The following DNAH8 variants were observed in gnomAD, a reference collection of about 807,000 sequenced individuals.
DNAH8 encodes the protein dynein axonemal heavy chain 8.
Under a neutral mutation model 562.1 loss-of-function variants are expected in DNAH8, and 382 were observed. That is an observed-to-expected ratio of 0.68 (90% confidence interval 0.63 to 0.74). The LOEUF (loss-of-function observed/expected upper bound fraction) is 0.74. DNAH8 is among the 30% of genes least tolerant of loss of function. The pLI is 0.00. For synonymous variants in DNAH8, 1,881 were observed against 1,919.4 expected, an observed-to-expected ratio of 0.98 and a Z score of 0.52; for missense variants, 5,203 against 5,620.4, an observed-to-expected ratio of 0.93 and a Z score of 2.37.
At chr6:38,717,005 T>C (rs1762390743) in intron 1 of DNAH8, among the ~76,000 whole-genome samples, 1 of 152,318 alleles carries the variant, frequency 6.6e-6, no homozygotes, top group East Asian at 1.9e-4. Context: ...GCATCCAGCC[T>C]GGGCAGCATA....
chr6:38,828,775 C>T (rs1377417103), intron 30 of DNAH8, among the ~76,000 whole-genome samples: 7 of 152,156 alleles, frequency 4.6e-5, no homozygotes, highest in Admixed American at 4.6e-4. Flanking sequence ...TTAAAGCATA[C>T]AATTCAGTGT....
chr6:38,938,773 C>A (rs1386404585), intron 78 of DNAH8, 25 bp from the exon 79 acceptor site: 3 of 1,549,300 alleles, frequency 1.9e-6, no homozygotes, highest in Non-Finnish European at 2.6e-6. Flanking sequence ...CCCTTTGCTT[C>A]TTTGATTCTT....
intron 57 of DNAH8, among the ~76,000 whole-genome samples, chr6:38,890,286 G>A (rs978485089): frequency 2.6e-5 from 4 of 152,270 alleles, no homozygotes; most frequent in Middle Eastern, 6.8e-3. Context: ...GAATGCTGAT[G>A]TACAGACTCT....
Position 38,826,140 on chromosome 6 carries a change from T to C in DNAH8, c.3848-16T>C. The C allele has an allele frequency of 2.6e-6, 4 of 1,541,374 alleles. No individual in the cohort carries two copies. The highest frequency in any genetic ancestry group is 3.5e-6 in the Non-Finnish European group (4 of 1,132,816). ...GCCAGTTATATTCTAATTTAATTTC[T>C]TCTTGTCTTCATCAGAGCCGATGAA... On this transcript the variant is annotated splice_polypyrimidine_tract_variant and intron_variant, in intron 28 of 92. Coordinates refer to ENST00000327475, the MANE Select transcript of DNAH8 (RefSeq NM_001206927.2).
rs369724754 is a variant in DNAH8, at chr6:38,812,579, TGCTGCGAATCC to T, written c.3258-1473_3258-1463del. On this transcript the variant is annotated intron_variant, in intron 24 of 92. Coordinates refer to ENST00000327475, the MANE Select transcript of DNAH8 (RefSeq NM_001206927.2). ...GGTTTCAGTTTTTAGAGGAGAGTTC[TGCTGCGAATCC>T]GATTTTCCTTTCCAACTAACAACTT... is the stretch of plus-strand genomic sequence containing the variant. Among the ~76,000 whole-genome samples the T allele has an allele frequency of 2.8e-3, 424 of 152,336 alleles. 2 individuals are homozygous for T. The highest frequency in any genetic ancestry group is 9.6e-3 in the African/African-American group (401 of 41,576).
At chr6:38,832,006 T>TTGGCCTAGCCCCACAGACAACATG (rs1485325627) in intron 30 of DNAH8, among the ~76,000 whole-genome samples, 1 of 152,310 alleles carries the variant, frequency 6.6e-6, no homozygotes, top group Admixed American at 6.5e-5. Flanking sequence ...ATCCCAAGTC[T>TTGGCCTAGCCCCACAGACAACATG]TGGCCTAGCC....
At chr6:38,756,112 C>A (rs1042590908) in intron 10 of DNAH8, 33 bp downstream of exon 10, 1 of 1,334,556 alleles carries the variant, frequency 7.5e-7, no homozygotes, top group African/African-American at 1.4e-5. Context: ...TACATGTCAT[C>A]CTGTGAAAAA....
chr6:38,995,408 G>A (rs1765071511), intron 88 of DNAH8, among the ~76,000 whole-genome samples: 1 of 152,116 alleles, frequency 6.6e-6, no homozygotes, highest in Non-Finnish European at 1.5e-5. Flanking sequence ...ACTAATCAAT[G>A]TTATATTTGC....
chr6:38,868,274 T>C, intron 48 of DNAH8, 78 bp downstream of exon 48: 1 of 1,402,306 alleles, frequency 7.1e-7, no homozygotes, highest in Non-Finnish European at 9.8e-7. Flanking sequence ...AGAGGTAGGC[T>C]GATGTTGAGC....
intron 73 of DNAH8, among the ~76,000 whole-genome samples, chr6:38,925,532 A>G (rs1173220173): frequency 6.6e-6 from 1 of 151,848 alleles, no homozygotes; most frequent in African/African-American, 2.4e-5. Context: ...GAGGCTGGCA[A>G]TCCCCTCTAA....
intron 68 of DNAH8, among the ~76,000 whole-genome samples, chr6:38,916,964 A>AT (rs1781354235): frequency 6.6e-6 from 1 of 152,170 alleles, no homozygotes. Context: ...TAAATGTTAC[A>AT]TATCAGTGGG....
chr6:39,010,682 T>C (rs1020394923), intron 89 of DNAH8, among the ~76,000 whole-genome samples: 2 of 151,984 alleles, frequency 1.3e-5, no homozygotes, highest in Non-Finnish European at 2.9e-5. Flanking sequence ...TGCAAAAGTA[T>C]TTCTATAATT....
intron 14 of DNAH8, among the ~76,000 whole-genome samples, chr6:38,779,057 C>G (rs990332068): frequency 6.6e-6 from 1 of 152,176 alleles, no homozygotes; most frequent in South Asian, 2.1e-4. Context: ...TCCTTTCCCT[C>G]TATCCTAACA....
chr6:38,940,722 G>C (rs1783377605), intron 79 of DNAH8, among the ~76,000 whole-genome samples: 1 of 152,168 alleles, frequency 6.6e-6, no homozygotes, highest in African/African-American at 2.4e-5. Context: ...AAAAAGAGCA[G>C]GGAAATGCAG....
chr6:38,942,700 C>T (rs1422414138), intron 79 of DNAH8, among the ~76,000 whole-genome samples: 1 of 152,192 alleles, frequency 6.6e-6, no homozygotes, highest in Non-Finnish European at 1.5e-5. Flanking sequence ...AGGGCCCCAA[C>T]AGATAGCATT....
Position 38,743,508 on chromosome 6 carries a change from C to T in DNAH8, c.1293+1621C>T, listed in dbSNP as rs569538756. Among the ~76,000 whole-genome samples, 6 of 152,290 alleles carry T rather than the reference C, an allele frequency of 3.9e-5. No individual in the cohort carries two copies. The South Asian group carries it at 1.0e-3, about 26-fold the overall frequency. The stretch of plus-strand genomic sequence containing the variant: ...CAATTTTGGAACATTTTCATCACCT[C>T]AAAGAGAAACTCTATATCCTTCAGC... On this transcript the variant is annotated intron_variant, in intron 8 of 92. Transcript: ENST00000327475.
At chr6:38,937,869 C>T in intron 77 of DNAH8, 105 bp from the exon 78 acceptor site, 1 of 1,350,594 alleles carries the variant, frequency 7.4e-7, no homozygotes, top group East Asian at 2.3e-5. Flanking sequence ...ACTTTGGAGA[C>T]ATCAAGTTGA....
Position 38,974,433 on chromosome 6 carries a change from A to T in DNAH8, c.12738A>T (p.Thr4246=), listed in dbSNP as rs1338263950. 5.6e-6 allele frequency: 9 copies of T among 1,613,972 alleles called. No homozygotes were observed. Among genetic ancestry groups the T allele is most frequent in the Non-Finnish European group, 7.6e-6 (9 of 1,179,826 alleles). ...PQGVRAGLKR[T]FAGINQDLLD... is the part of the protein sequence containing the mutation. ...GTGTACGCGCAGGTTTGAAAAGAAC[A>T]TTTGCTGGAATTAATCAAGACCTTC... The change falls in exon 85 of 93, where the codon ACA becomes ACT. Residue 4246 remains threonine, a synonymous_variant. Transcript: ENST00000327475.
At position 38,872,995 on chromosome 6, in the gene DNAH8, A is replaced by T. The variant is rs771972862; in HGVS notation, c.7327A>T (p.Thr2443Ser). 6.2e-7 allele frequency: 1 copy of T among 1,614,132 alleles called. No individual in the cohort carries two copies. The highest frequency in any genetic ancestry group is 1.1e-5 in the South Asian group (1 of 91,078). ...NSVLDDNKTL[T>S]LANGDRIPMA... ...CGTTTTGGATGACAATAAAACTCTG[A>T]CGTTAGCTAATGGAGATCGCATTCC... The change falls in exon 51 of 93, where the codon ACG becomes TCG. Residue 2443 changes from threonine to serine, a missense_variant. Transcript: ENST00000327475.
Sources: allele counts gnomAD v4.1 joint callset (sites outside exome capture counted in the v4.1 genomes callset), GRCh38; gene constraint gnomAD v4.1.1; transcripts MANE v1.5; gene names NCBI Gene and HGNC (gene_info 2026-07-23, HGNC 2026-07-21).